The following ADAM18 variants were observed in gnomAD, a reference collection of about 807,000 sequenced individuals.
ADAM18 encodes ADAM metallopeptidase domain 18.
ADAM18 carries 117 observed loss-of-function variants against 94.4 expected under a neutral mutation model. That is an observed-to-expected ratio of 1.24 (90% confidence interval 1.07 to 1.45). The LOEUF (loss-of-function observed/expected upper bound fraction) is 1.45. Ranked by LOEUF, ADAM18 falls within the 40% of genes most tolerant of loss-of-function variation. The probability of loss-of-function intolerance (pLI) is 0.00; values close to 1 mark genes in which losing one functional copy is unlikely to be tolerated. For synonymous variants in ADAM18, 327 were observed against 291.6 expected (o/e 1.12, Z -1.24); for missense variants, 936 against 880.0 (o/e 1.06, Z -0.81).
intron 18 of ADAM18, among the ~76,000 whole-genome samples, chr8:39,707,276 C>T (rs904011619): frequency 9.9e-5 from 15 of 152,198 alleles, no homozygotes; most frequent in Admixed American, 6.5e-4. Context: ...GACACAGCCT[C>T]TCCAGCAATT....
intron 12 of ADAM18, among the ~76,000 whole-genome samples, chr8:39,656,708 T>C (rs1483546457): frequency 2.6e-5 from 4 of 152,116 alleles, no homozygotes; most frequent in Admixed American, 2.0e-4. Flanking sequence ...AGATAAAGAA[T>C]ACATATAAAT....
At chr8:39,622,316 A>G (rs1029511374) in intron 6 of ADAM18, among the ~76,000 whole-genome samples, 30 of 149,494 alleles carry the variant, frequency 2.0e-4, no homozygotes, top group Admixed American at 4.7e-4. Context: ...TATAATATAC[A>G]TAATACATAT....
At position 39,638,457 on chromosome 8, in the gene ADAM18, T is replaced by C; in HGVS notation, c.828-8T>C. On this transcript the variant is annotated splice_region_variant and splice_polypyrimidine_tract_variant and intron_variant, in intron 9 of 19. Coordinates refer to ENST00000265707, the MANE Select transcript of ADAM18 (RefSeq NM_014237.3). ...TAACTACGTTAATAAAAAATTATAA[T>C]AATGTAGTTACAGGAAACATCCTAA... 1 of 1,529,542 alleles carries C rather than the reference T, an allele frequency of 6.5e-7. No homozygotes were observed. The highest frequency in any genetic ancestry group is 8.9e-7 in the Non-Finnish European group (1 of 1,127,986). 94.7% of individuals were successfully genotyped at this position (1,529,542 alleles called of 1,614,324 possible).
rs191970277 is a variant in ADAM18 at position 39,618,894 on chromosome 8, T to C, written c.522+8188T>C. Among the ~76,000 whole-genome samples, 393 of 152,302 alleles carry C rather than the reference T, an allele frequency of 2.6e-3. 2 individuals are homozygous for C. The highest frequency in any genetic ancestry group is 9.0e-3 in the African/African-American group (373 of 41,560). On this transcript the variant is annotated intron_variant, in intron 6 of 19. Transcript: ENST00000265707. Reference sequence around the variant, plus strand: ...AGCACATCACGCGCTGTTGGCTCATTCTGGCAGTCCAACTTGGCATTGTCT... The same window carrying C: ...AGCACATCACGCGCTGTTGGCTCATCCTGGCAGTCCAACTTGGCATTGTCT...
intron 7 of ADAM18, among the ~76,000 whole-genome samples, chr8:39,634,999 A>G (rs1436314602): frequency 6.6e-6 from 1 of 152,132 alleles, no homozygotes; most frequent in Non-Finnish European, 1.5e-5. Flanking sequence ...GTATTAAGGA[A>G]TGGGACCATT....
chr8:39,596,949 G>A (rs962511033), intron 2 of ADAM18, among the ~76,000 whole-genome samples: 2 of 152,086 alleles, frequency 1.3e-5, no homozygotes, highest in African/African-American at 2.4e-5. Context: ...AGCAGTATTA[G>A]GTTCAGAGAA....
intron 2 of ADAM18, among the ~76,000 whole-genome samples, chr8:39,596,343 C>T (rs1225218052): frequency 6.6e-6 from 1 of 152,192 alleles, no homozygotes; most frequent in Non-Finnish European, 1.5e-5. Flanking sequence ...CATCCCTCCC[C>T]ACCAACCAAA....
intron 7 of ADAM18, among the ~76,000 whole-genome samples, chr8:39,636,036 AGAGAGG>A (rs1394189025): frequency 2.7e-5 from 4 of 146,054 alleles, no homozygotes; most frequent in Non-Finnish European, 4.5e-5. Flanking sequence ...AGAGAGAGAG[AGAGAGG>A]GGGCCTCACT....
intron 10 of ADAM18, among the ~76,000 whole-genome samples, chr8:39,640,698 T>C (rs980076501): frequency 1.3e-5 from 2 of 152,120 alleles, no homozygotes; most frequent in East Asian, 3.9e-4. Context: ...CTGTTGTTTA[T>C]TGACTTTTTA....
chr8:39,624,840 C>A (rs191946226), intron 6 of ADAM18, among the ~76,000 whole-genome samples: 8 of 152,322 alleles, frequency 5.3e-5, no homozygotes, highest in Admixed American at 3.9e-4. Flanking sequence ...GTAAGACATG[C>A]CTGCTTTTCC....
chr8:39,704,285 G>T (rs1822167595), intron 17 of ADAM18, among the ~76,000 whole-genome samples: 1 of 152,072 alleles, frequency 6.6e-6, no homozygotes, highest in Non-Finnish European at 1.5e-5. Flanking sequence ...TATCTTGCAT[G>T]AACATCGATG....
At chr8:39,668,319 T>A in intron 14 of ADAM18, 123 bp downstream of exon 14, 2 of 916,270 alleles carry the variant, frequency 2.2e-6, no homozygotes, top group South Asian at 2.1e-5. Flanking sequence ...AAATTAAATT[T>A]TAGTTAAAGA....
intron 6 of ADAM18, among the ~76,000 whole-genome samples, chr8:39,616,488 A>G (rs1409007953): frequency 6.6e-6 from 1 of 152,186 alleles, no homozygotes; most frequent in African/African-American, 2.4e-5. Flanking sequence ...TCAAACAACC[A>G]ACAACGTTTT....
At chr8:39,643,503 A>G (rs773649961) in intron 10 of ADAM18, among the ~76,000 whole-genome samples, 8 of 152,088 alleles carry the variant, frequency 5.3e-5, no homozygotes, top group South Asian at 2.1e-4. Flanking sequence ...GGGGGTCTGT[A>G]TTAGATTTCC....
intron 18 of ADAM18, among the ~76,000 whole-genome samples, chr8:39,711,862 C>T (rs1822412490): frequency 6.7e-6 from 1 of 149,570 alleles, no homozygotes; most frequent in Non-Finnish European, 1.5e-5. Context: ...GACATAATGC[C>T]CCAAAACTTT....
At chr8:39,591,369 T>C (rs1173826064) in intron 2 of ADAM18, among the ~76,000 whole-genome samples, 1 of 152,214 alleles carries the variant, frequency 6.6e-6, no homozygotes, top group Non-Finnish European at 1.5e-5. Flanking sequence ...GGACTCAATC[T>C]TCTCCAACCC....
intron 6 of ADAM18, among the ~76,000 whole-genome samples, chr8:39,620,493 T>C (rs1819583300): frequency 6.7e-6 from 1 of 148,216 alleles, no homozygotes; most frequent in Admixed American, 6.8e-5. Flanking sequence ...GGCAAGATAT[T>C]TGAACAGGTA....
At chr8:39,721,019 G>T (rs1239114063) in intron 18 of ADAM18, among the ~76,000 whole-genome samples, 2 of 151,370 alleles carry the variant, frequency 1.3e-5, no homozygotes, top group Non-Finnish European at 3.0e-5. Context: ...TCTATGCAAA[G>T]GTATAGTATG....
At chr8:39,628,416 A>AATAG (rs10689403) in intron 6 of ADAM18, among the ~76,000 whole-genome samples, 37,581 of 148,092 alleles carry the variant, frequency 0.25, 4,872 homozygotes, top group African/African-American at 0.31. Flanking sequence ...CTGATAGATC[A>AATAG]ATAGATAGAT....
Sources: allele counts gnomAD v4.1 joint callset (sites outside exome capture counted in the v4.1 genomes callset), GRCh38; gene constraint gnomAD v4.1.1; transcripts MANE v1.5; gene names NCBI Gene and HGNC (gene_info 2026-07-23, HGNC 2026-07-21).